The following CSMD1 variants were observed in gnomAD, a reference collection of about 807,000 sequenced individuals.
The protein encoded by CSMD1 is CUB and sushi domain-containing protein 1.
Under a neutral mutation model 417.5 loss-of-function variants are expected in CSMD1, and 213 were observed. The ratio of observed to expected loss-of-function variants is 0.51; its 90% confidence interval spans 0.46 to 0.57. The LOEUF (loss-of-function observed/expected upper bound fraction) is 0.57, where lower values mean the gene tolerates loss of function less well. Ranked by LOEUF, CSMD1 falls within the 20% of genes least tolerant of loss-of-function variation. The pLI is 0.00. For missense variants in CSMD1, 6,923 were observed against 4,529.7 expected (o/e 1.53, Z -15.17); for synonymous variants, 2,862 against 1,736.8 (o/e 1.65, Z -16.11).
chr8:3,186,590 G>A (rs922473461), intron 36 of CSMD1, among the ~76,000 whole-genome samples: 11 of 152,124 alleles, frequency 7.2e-5, no homozygotes, highest in African/African-American at 2.2e-4. Flanking sequence ...CACTGTGAAT[G>A]GCCTGTGCGC....
intron 7 of CSMD1, among the ~76,000 whole-genome samples, chr8:3,679,019 G>C (rs1372563995): frequency 1.3e-5 from 2 of 152,082 alleles, no homozygotes; most frequent in Admixed American, 6.5e-5. Context: ...TCCCCTAAAA[G>C]ACCTCCTGAA....
chr8:4,429,482 T>G (rs113752701), intron 2 of CSMD1, among the ~76,000 whole-genome samples: 1 of 150,536 alleles, frequency 6.6e-6, no homozygotes, highest in African/African-American at 2.4e-5. Flanking sequence ...CTCCTGTCAA[T>G]TGGGAAACAG....
chr8:3,315,198 G>T (rs537303487), intron 23 of CSMD1, among the ~76,000 whole-genome samples: 5 of 152,222 alleles, frequency 3.3e-5, no homozygotes, highest in African/African-American at 9.6e-5. Flanking sequence ...ATTTCCTTCA[G>T]TGTAAAGAAC....
At chr8:4,863,918 G>T (rs995900351) in intron 1 of CSMD1, among the ~76,000 whole-genome samples, 3 of 148,620 alleles carry the variant, frequency 2.0e-5, no homozygotes, top group Admixed American at 1.3e-4. Flanking sequence ...GAAGTGAAAT[G>T]TTATTTTTCT....
intron 3 of CSMD1, among the ~76,000 whole-genome samples, chr8:4,213,280 T>A (rs1406421258): frequency 1.3e-5 from 2 of 152,078 alleles, no homozygotes. Flanking sequence ...TCCTGTCAGG[T>A]CTAATGAGCA....
At chr8:4,326,344 A>G (rs1369938841) in intron 3 of CSMD1, among the ~76,000 whole-genome samples, 3 of 152,196 alleles carry the variant, frequency 2.0e-5, no homozygotes, top group African/African-American at 7.2e-5. Flanking sequence ...GATTTCAGAC[A>G]TGGGGCAACC....
At chr8:3,846,698 C>A (rs1363983364) in intron 5 of CSMD1, among the ~76,000 whole-genome samples, 1 of 152,102 alleles carries the variant, frequency 6.6e-6, no homozygotes, top group African/African-American at 2.4e-5. Flanking sequence ...CTCTCTGTCG[C>A]CCAGGCTGGA....
At chr8:3,451,955 A>G (rs1175630811) in intron 12 of CSMD1, among the ~76,000 whole-genome samples, 1 of 151,858 alleles carries the variant, frequency 6.6e-6, no homozygotes, top group Non-Finnish European at 1.5e-5. Flanking sequence ...TGAACATGGA[A>G]TGTTCTTCCA....
chr8:4,222,118 C>A (rs1330262269), intron 3 of CSMD1, among the ~76,000 whole-genome samples: 1 of 146,328 alleles, frequency 6.8e-6, no homozygotes, highest in Admixed American at 6.8e-5. Flanking sequence ...AAAAAAAAAA[C>A]AGAAGCAAGT....
At chr8:4,480,107 G>C (rs930310135) in intron 2 of CSMD1, among the ~76,000 whole-genome samples, 2 of 151,610 alleles carry the variant, frequency 1.3e-5, no homozygotes, top group Non-Finnish European at 2.9e-5. Flanking sequence ...CCAGTTAAAA[G>C]GAACTTTGTT....
rs34295269 is a variant in CSMD1 at position 3,837,151 on chromosome 8, GAA to G, written c.819-83111_819-83110del. 2.6e-3 allele frequency among the ~76,000 whole-genome samples: 376 copies of G among 147,226 alleles called. 1 individual carries two copies. Among genetic ancestry groups the G allele is most frequent in the African/African-American group, 8.8e-3 (355 of 40,414 alleles). The stretch of plus-strand genomic sequence containing the variant: ...AAAATTGAAAGTGTAGTCACTAAAG[GAA>G]AAAAAAAAATCTGTTCACATCAGTT... On this transcript the variant is annotated intron_variant, in intron 5 of 69. Coordinates refer to ENST00000635120, the MANE Select transcript of CSMD1 (RefSeq NM_033225.6).
intron 5 of CSMD1, among the ~76,000 whole-genome samples, chr8:3,808,469 C>G (rs1043542897): frequency 6.6e-6 from 1 of 152,108 alleles, no homozygotes; most frequent in Non-Finnish European, 1.5e-5. Context: ...TCTCTTTATA[C>G]TTTTCAGTAA....
intron 39 of CSMD1, among the ~76,000 whole-genome samples, chr8:3,153,014 G>A (rs540875661): frequency 1.3e-4 from 20 of 152,322 alleles, no homozygotes; most frequent in Non-Finnish European, 1.6e-4. Flanking sequence ...AGGCTGAAAC[G>A]TACTGGGCTG....
intron 3 of CSMD1, among the ~76,000 whole-genome samples, chr8:4,297,609 T>C (rs560219307): frequency 1.3e-5 from 2 of 152,262 alleles, no homozygotes; most frequent in South Asian, 2.1e-4. Flanking sequence ...AAGGCTAAGA[T>C]AGCCTGAAAT....
At chr8:4,182,026 G>A (rs556383091) in intron 3 of CSMD1, among the ~76,000 whole-genome samples, 24 of 114,264 alleles carry the variant, frequency 2.1e-4, no homozygotes, top group South Asian at 3.3e-4. Flanking sequence ...ATACACACCC[G>A]TGTGTGTGTG....
chr8:4,550,333 A>T (rs540564969), intron 2 of CSMD1, among the ~76,000 whole-genome samples: 1 of 143,092 alleles, frequency 7.0e-6, no homozygotes, highest in African/African-American at 2.6e-5. Context: ...ACACACGCAC[A>T]CACACACACA....
At chr8:4,338,602 C>T (rs1002720855) in intron 3 of CSMD1, among the ~76,000 whole-genome samples, 4 of 152,060 alleles carry the variant, frequency 2.6e-5, no homozygotes, top group Non-Finnish European at 4.4e-5. Flanking sequence ...AATAGAAACA[C>T]AGCAATTAAA....
intron 20 of CSMD1, among the ~76,000 whole-genome samples, chr8:3,363,495 T>G (rs1041029028): frequency 6.6e-6 from 1 of 151,250 alleles, no homozygotes; most frequent in African/African-American, 2.4e-5. Context: ...TTTTGCCTGG[T>G]GAAAAATGTA....
chr8:3,963,692 T>C (rs1007925169), intron 5 of CSMD1, among the ~76,000 whole-genome samples: 1 of 152,190 alleles, frequency 6.6e-6, no homozygotes, highest in African/African-American at 2.4e-5. Context: ...TGAATATACA[T>C]AGATTTCATC....
Sources: allele counts gnomAD v4.1 joint callset (sites outside exome capture counted in the v4.1 genomes callset), GRCh38; gene constraint gnomAD v4.1.1; transcripts MANE v1.5; gene names NCBI Gene and HGNC (gene_info 2026-07-23, HGNC 2026-07-21).